Variants in FAM227B observed in about 807,000 individuals in gnomAD.
FAM227B encodes protein FAM227B.
FAM227B carries 88 observed loss-of-function variants against 73.8 expected under a neutral mutation model. The ratio of observed to expected loss-of-function variants is 1.19; its 90% CI spans 1.00 to 1.42. The LOEUF (loss-of-function observed/expected upper bound fraction) is 1.42. Ranked by LOEUF, FAM227B falls within the 40% of genes most tolerant of loss-of-function variation. The probability of loss-of-function intolerance (pLI) is 0.00; values close to 1 mark genes in which losing one functional copy is unlikely to be tolerated. For synonymous variants in FAM227B, 210 were observed against 190.5 expected (o/e 1.10, Z -0.84); for missense variants, 632 against 590.9 (o/e 1.07, Z -0.72).
intron 11 of FAM227B, among the ~76,000 whole-genome samples, chr15:49,420,255 A>C (rs2049507575): frequency 6.6e-6 from 1 of 152,186 alleles, no homozygotes; most frequent in African/African-American, 2.4e-5. Flanking sequence ...GGTAATAGAA[A>C]AGTACTGAAG....
chr15:49,553,621 T>C (rs2073304219), intron 9 of FAM227B, among the ~76,000 whole-genome samples: 1 of 152,186 alleles, frequency 6.6e-6, no homozygotes. Context: ...GATGCAGTCC[T>C]TCCTACTCTT....
At chr15:49,550,842 C>G (rs1021454948) in intron 9 of FAM227B, among the ~76,000 whole-genome samples, 3 of 151,800 alleles carry the variant, frequency 2.0e-5, no homozygotes, top group South Asian at 4.2e-4. Context: ...AGACGATGGG[C>G]GGCCAGGCAG....
chr15:49,535,752 G>T (rs532516427), intron 10 of FAM227B, among the ~76,000 whole-genome samples: 2 of 151,932 alleles, frequency 1.3e-5, no homozygotes, highest in Admixed American at 1.3e-4. Context: ...TGCAAGGCTG[G>T]TTTAATAAAT....
At chr15:49,448,106 C>G (rs566335374) in intron 11 of FAM227B, among the ~76,000 whole-genome samples, 71 of 151,680 alleles carry the variant, frequency 4.7e-4, no homozygotes, top group Non-Finnish European at 9.3e-4. Context: ...AAATATGAAG[C>G]AACATATTAT....
chr15:49,511,833 T>A (rs570773133), intron 10 of FAM227B, among the ~76,000 whole-genome samples: 3 of 152,286 alleles, frequency 2.0e-5, no homozygotes, highest in Middle Eastern at 3.4e-3. Flanking sequence ...ATGTACCGCA[T>A]ATCCTTTATC....
chr15:49,350,608 T>C (rs1020717284), intron 13 of FAM227B, among the ~76,000 whole-genome samples: 1 of 152,160 alleles, frequency 6.6e-6, no homozygotes, highest in African/African-American at 2.4e-5. Context: ...TAAGAACAAA[T>C]GGTTCATCTC....
At chr15:49,536,072 C>CAAAA (rs59203003) in intron 10 of FAM227B, among the ~76,000 whole-genome samples, 62 of 113,864 alleles carry the variant, frequency 5.4e-4, no homozygotes, top group East Asian at 9.7e-4. Context: ...GGCAATCAGA[C>CAAAA]AAAAAAAAAA....
At position 49,508,197 on chromosome 15, in the gene FAM227B, G is replaced by A. The variant is rs58845336; in HGVS notation, c.1012+14C>T. The A allele has an allele frequency of 0.28, 439,512 of 1,596,320 alleles. 64,300 individuals are homozygous for A. The highest frequency in any genetic ancestry group is 0.47 in the African/African-American group (34,345 of 73,722). On this transcript the variant is annotated intron_variant, in intron 11 of 15. Transcript: ENST00000299338. The stretch of plus-strand genomic sequence containing the variant: ...TACCTATTCCATTTGGCAGTATACA[G>A]AAACTTTACTTACTAGTTGATATAT...
chr15:49,549,892 G>GCGGC, intron 9 of FAM227B, among the ~76,000 whole-genome samples: 1 of 123,976 alleles, frequency 8.1e-6, no homozygotes, highest in East Asian at 2.3e-4. Flanking sequence ...CCCAGACGGG[G>GCGGC]TGGTTGGCCG....
At chr15:49,461,881 A>G (rs964122278) in intron 11 of FAM227B, among the ~76,000 whole-genome samples, 50 of 152,220 alleles carry the variant, frequency 3.3e-4, no homozygotes, top group Non-Finnish European at 6.8e-4. Flanking sequence ...CATAGCTTTA[A>G]GACTGATTAT....
At chr15:49,615,270 A>G (rs2078216471) in intron 1 of FAM227B, 27 bp from the exon 2 acceptor site, 1 of 959,190 alleles carries the variant, frequency 1.0e-6, no homozygotes, top group Non-Finnish European at 1.7e-6. Flanking sequence ...ACCCAAATGC[A>G]AAAATAAATG....
intron 11 of FAM227B, among the ~76,000 whole-genome samples, chr15:49,444,709 G>T (rs12594154): frequency 0.024 from 3,653 of 151,384 alleles, 112 homozygotes; most frequent in South Asian, 0.15. Flanking sequence ...ATATGTTCCG[G>T]GGTCTGTCTC....
intron 10 of FAM227B, among the ~76,000 whole-genome samples, chr15:49,521,876 C>G (rs1327485679): frequency 6.6e-6 from 1 of 152,144 alleles, no homozygotes; most frequent in East Asian, 1.9e-4. Flanking sequence ...TTTCTCCACC[C>G]CAGACCTCAG....
At chr15:49,409,718 C>T (rs562928612) in intron 11 of FAM227B, among the ~76,000 whole-genome samples, 99 of 152,116 alleles carry the variant, frequency 6.5e-4, no homozygotes, top group African/African-American at 2.3e-3. Context: ...ACTGAAGTCA[C>T]CTCAAATTTT....
intron 13 of FAM227B, among the ~76,000 whole-genome samples, chr15:49,360,672 C>G (rs1460873646): frequency 2.0e-5 from 3 of 152,082 alleles, no homozygotes; most frequent in Non-Finnish European, 4.4e-5. Flanking sequence ...TCCTAGACAT[C>G]AAAGTTTTTC....
At chr15:49,357,972 G>A (rs991300195) in intron 13 of FAM227B, among the ~76,000 whole-genome samples, 46 of 151,816 alleles carry the variant, frequency 3.0e-4, no homozygotes, top group African/African-American at 1.1e-3. Context: ...TATAAACAGA[G>A]CCAAAGACAA....
At chr15:49,468,423 T>G (rs1567335391) in intron 11 of FAM227B, among the ~76,000 whole-genome samples, 1 of 152,202 alleles carries the variant, frequency 6.6e-6, no homozygotes, top group Non-Finnish European at 1.5e-5. Flanking sequence ...CAGGCTTCAA[T>G]TAGTTTTCTA....
intron 9 of FAM227B, among the ~76,000 whole-genome samples, chr15:49,561,868 T>C (rs1442352404): frequency 2.0e-5 from 3 of 152,132 alleles, no homozygotes; most frequent in Non-Finnish European, 4.4e-5. Flanking sequence ...GCAAAGTTGA[T>C]AGCACTAAAC....
intron 10 of FAM227B, among the ~76,000 whole-genome samples, chr15:49,523,450 C>A (rs755422393): frequency 1.3e-5 from 2 of 152,150 alleles, no homozygotes; most frequent in Non-Finnish European, 2.9e-5. Context: ...CCTTCCACCA[C>A]GATTGTGAGG....
Sources: allele counts gnomAD v4.1 joint callset (sites outside exome capture counted in the v4.1 genomes callset), GRCh38; gene constraint gnomAD v4.1.1; transcripts MANE v1.5; gene names NCBI Gene and HGNC (gene_info 2026-07-23, HGNC 2026-07-21).